PSD3: variants seen among roughly 807,000 people sequenced by gnomAD.
PSD3 encodes PH and SEC7 domain-containing protein 3.
Under a neutral mutation model 105.5 loss-of-function variants are expected in PSD3, and 49 were observed. That is an observed-to-expected ratio of 0.46 (90% CI 0.37 to 0.59). The LOEUF (loss-of-function observed/expected upper bound fraction) is 0.59, where lower values mean the gene tolerates loss of function less well. PSD3 is among the 20% of genes least tolerant of loss of function. PSD3 has a pLI of 0.00. For missense variants in PSD3, 1,561 were observed against 1,263.8 expected (o/e 1.24, Z -3.57); for synonymous variants, 557 against 457.8 (o/e 1.22, Z -2.77).
intron 1 of PSD3, among the ~76,000 whole-genome samples, chr8:19,081,275 G>C (rs1428213281): frequency 6.6e-6 from 1 of 152,218 alleles, no homozygotes; most frequent in Non-Finnish European, 1.5e-5. Context: ...TACAAGGTTA[G>C]GTCACTAGAC....
At chr8:18,611,382 T>A (rs1467042716) in intron 11 of PSD3, among the ~76,000 whole-genome samples, 3 of 152,180 alleles carry the variant, frequency 2.0e-5, no homozygotes, top group Non-Finnish European at 2.9e-5. Context: ...CATCATCCTT[T>A]AGCAAGACAG....
At chr8:18,912,527 A>G (rs138074633) in intron 2 of PSD3, among the ~76,000 whole-genome samples, 7,568 of 152,330 alleles carry the variant, frequency 0.05, 206 homozygotes, top group Admixed American at 0.082. Context: ...TTTAATTTAG[A>G]TATCTTTAAT....
chr8:18,890,971 G>C (rs1818748574), intron 2 of PSD3, among the ~76,000 whole-genome samples: 1 of 152,166 alleles, frequency 6.6e-6, no homozygotes, highest in African/African-American at 2.4e-5. Context: ...CAGTTTCTGT[G>C]TCCTAACCCA....
intron 4 of PSD3, chr8:18,808,698 C>T (rs373316221): frequency 7.8e-5 from 126 of 1,609,234 alleles, no homozygotes; most frequent in South Asian, 1.9e-4. Flanking sequence ...GAACAAGAAC[C>T]GGAATTGCTC....
chr8:18,560,227 C>T (rs1015114294), intron 14 of PSD3, among the ~76,000 whole-genome samples: 1 of 148,994 alleles, frequency 6.7e-6, no homozygotes, highest in Non-Finnish European at 1.5e-5. Flanking sequence ...AAAACAACAA[C>T]AGCAACAACA....
At chr8:18,752,586 T>TTATATATTATATATTATATATATAATTA (rs1350569907) in intron 9 of PSD3, among the ~76,000 whole-genome samples, 10 of 78,036 alleles carry the variant, frequency 1.3e-4, no homozygotes, top group East Asian at 3.5e-4. Flanking sequence ...ATTATATATA[T>TTATATATTATATATTATATATATAATTA]TATATATTAT....
At position 18,871,846 on chromosome 8, in the gene PSD3, C is replaced by T. The variant is rs886245849; in HGVS notation, c.1018G>A (p.Val340Met). ...ASPDSKESSK[V>M]PRHLISSAGL... ...GCTGATGAGATGAGATGGCGTGGCA[C>T]TTTGGAAGACTCTTTGCTGTCAGGA... is the stretch of plus-strand genomic sequence containing the variant. Residue 340 changes from valine (V) to methionine (M), a missense_variant, in exon 3 of 16, where the codon GTG (valine) becomes ATG (methionine). By Grantham distance (21) the Val-to-Met change is conservative. Coordinates refer to ENST00000327040, the MANE Select transcript of PSD3 (RefSeq NM_015310.4). 2 of 1,614,100 alleles carry T rather than the reference C, an allele frequency of 1.2e-6. No homozygotes were observed. The highest frequency in any genetic ancestry group is 1.7e-6 in the Non-Finnish European group (2 of 1,180,032).
At chr8:18,537,437 C>T (rs1184953086) in intron 15 of PSD3, among the ~76,000 whole-genome samples, 1 of 152,184 alleles carries the variant, frequency 6.6e-6, no homozygotes, top group South Asian at 2.1e-4. Context: ...CTGACAGACA[C>T]TGTTGTTTGG....
At chr8:18,998,618 C>T (rs919309178) in intron 1 of PSD3, among the ~76,000 whole-genome samples, 8 of 151,934 alleles carry the variant, frequency 5.3e-5, no homozygotes, top group African/African-American at 1.9e-4. Context: ...ACGCGGGAGG[C>T]GGAGGTTGCA....
intron 4 of PSD3, among the ~76,000 whole-genome samples, chr8:18,823,989 G>A (rs1812968630): frequency 6.6e-6 from 1 of 151,982 alleles, no homozygotes; most frequent in African/African-American, 2.4e-5. Flanking sequence ...AGACCAGCCT[G>A]GACAACACCG....
At chr8:18,567,327 A>T (rs887649325) in intron 14 of PSD3, among the ~76,000 whole-genome samples, 4 of 151,614 alleles carry the variant, frequency 2.6e-5, no homozygotes, top group Non-Finnish European at 4.4e-5. Context: ...GTGTAATGTG[A>T]TTTACCTTTT....
intron 4 of PSD3, among the ~76,000 whole-genome samples, chr8:18,838,848 A>AATGATG (rs1554518295): frequency 1.4e-5 from 2 of 142,112 alleles, no homozygotes; most frequent in African/African-American, 5.2e-5. Context: ...TAATAATAAT[A>AATGATG]ATGTTCAAGA....
intron 4 of PSD3, among the ~76,000 whole-genome samples, chr8:18,833,480 C>A (rs574895348): frequency 4.5e-4 from 68 of 152,312 alleles, no homozygotes; most frequent in Middle Eastern, 6.8e-3. Flanking sequence ...AGGTATAATA[C>A]ATTTTAACAG....
At chr8:18,711,301 A>G (rs140412955) in intron 9 of PSD3, among the ~76,000 whole-genome samples, 294 of 152,314 alleles carry the variant, frequency 1.9e-3, no homozygotes, top group African/African-American at 6.9e-3. Flanking sequence ...TGAACCTTAA[A>G]TGTAAATGGG....
At chr8:19,066,470 AG>A (rs1563541008) in intron 1 of PSD3, among the ~76,000 whole-genome samples, 1 of 152,194 alleles carries the variant, frequency 6.6e-6, no homozygotes. Context: ...TGCCCTCCCA[AG>A]TTTACACAAC....
chr8:19,070,460 G>A (rs989506135), intron 1 of PSD3, among the ~76,000 whole-genome samples: 2 of 151,282 alleles, frequency 1.3e-5, no homozygotes, highest in Admixed American at 1.3e-4. Context: ...TAGATCACCT[G>A]AGGTCAGGAG....
rs1175246769 is a variant in PSD3 at position 18,999,179 on chromosome 8, T to C, written c.21+14384A>G. 2.6e-5 allele frequency among the ~76,000 whole-genome samples: 4 copies of C among 152,090 alleles called. No individual in the cohort carries two copies. In the South Asian group the frequency reaches 8.3e-4, roughly 32 times the overall value. ...TCTACCTTATAATAACCCTTTTCAT[T>C]CCTTAGACCATAACAGGTTTGCTTT... On this transcript the variant is annotated intron_variant, in intron 1 of 15. Transcript: ENST00000327040.
At chr8:18,584,230 G>C (rs1422128253) in intron 12 of PSD3, among the ~76,000 whole-genome samples, 2 of 152,164 alleles carry the variant, frequency 1.3e-5, no homozygotes, top group African/African-American at 2.4e-5. Flanking sequence ...TGCAATCAGA[G>C]AAAGGGCAAA....
intron 4 of PSD3, among the ~76,000 whole-genome samples, chr8:18,829,965 T>C (rs1375045163): frequency 2.6e-5 from 4 of 152,146 alleles, no homozygotes; most frequent in Non-Finnish European, 5.9e-5. Flanking sequence ...TTAATAACTT[T>C]ATTTTATTTT....
Sources: allele counts gnomAD v4.1 joint callset (sites outside exome capture counted in the v4.1 genomes callset), GRCh38; gene constraint gnomAD v4.1.1; transcripts MANE v1.5; gene names NCBI Gene and HGNC (gene_info 2026-07-23, HGNC 2026-07-21).